PPP6R1: variants seen among roughly 807,000 people sequenced by gnomAD.
The protein encoded by PPP6R1 is serine/threonine-protein phosphatase 6 regulatory subunit 1.
PPP6R1 carries 39 observed loss-of-function variants against 104.6 expected under a neutral mutation model. That is an observed-to-expected ratio of 0.37 (90% CI 0.29 to 0.49). The LOEUF is 0.49. Among genes scored for constraint, PPP6R1 ranks in the 20% least tolerant of loss-of-function variants. The pLI is 0.98. For missense variants in PPP6R1, 1,181 were observed against 1,155.8 expected (o/e 1.02, Z -0.32); for synonymous variants, 549 against 479.0 (o/e 1.15, Z -1.91).
intron 1 of PPP6R1, among the ~76,000 whole-genome samples, chr19:55,249,153 C>T (rs2122701710): frequency 6.6e-6 from 1 of 152,298 alleles, no homozygotes; most frequent in Non-Finnish European, 1.5e-5. Flanking sequence ...AGCCTCCAGG[C>T]ATTTGAACCC....
At chr19:55,254,117 C>T (rs755003743) in intron 1 of PPP6R1, among the ~76,000 whole-genome samples, 1 of 152,222 alleles carries the variant, frequency 6.6e-6, no homozygotes, top group African/African-American at 2.4e-5. Context: ...AAGACTCTAC[C>T]CATTTGCCTA....
At chr19:55,252,796 C>T (rs1348161770) in intron 1 of PPP6R1, among the ~76,000 whole-genome samples, 1 of 152,142 alleles carries the variant, frequency 6.6e-6, no homozygotes, top group Non-Finnish European at 1.5e-5. Flanking sequence ...CCTCGGCCTC[C>T]CAAAGTGCTG....
chr19:55,243,676 C>CA (rs2087480324), intron 5 of PPP6R1, among the ~76,000 whole-genome samples: 1 of 147,430 alleles, frequency 6.8e-6, no homozygotes, highest in African/African-American at 2.7e-5. Context: ...AAAAAAAAGA[C>CA]ACGGCCTCTA....
intron 1 of PPP6R1, among the ~76,000 whole-genome samples, chr19:55,248,965 C>T (rs753792793): frequency 3.9e-5 from 6 of 152,206 alleles, no homozygotes; most frequent in Non-Finnish European, 7.3e-5. Context: ...GGTTGCAGTC[C>T]AGACCTTGCT....
chr19:55,228,882 C>CAA, downstream of PPP6R1: 3 of 868,374 alleles, frequency 3.5e-6, no homozygotes, highest in Non-Finnish European at 5.5e-6. Flanking sequence ...GAGATGTTGT[C>CAA]CTCACCCTGG....
In PPP6R1 at chr19:55,237,547, C is replaced by T. The variant is rs564585935; in HGVS notation, c.1752-577G>A. ...TGATCAGGGTCCACATTCTGTCCCA[C>T]GTGTTACGGACAGTTCAAGGGATCA... On this transcript the variant is annotated intron_variant, in intron 15 of 23. Transcript: ENST00000412770. 1.7e-4 allele frequency among the ~76,000 whole-genome samples: 26 copies of T among 152,312 alleles called. No individual in the cohort carries two copies. In the South Asian group the frequency reaches 4.1e-3, roughly 24 times the overall value.
At position 55,232,256 on chromosome 19, in the gene PPP6R1, G is replaced by A. The variant is rs374036494; in HGVS notation, c.1989-45C>T. 313 of 1,500,342 alleles carry A rather than the reference G, an allele frequency of 2.1e-4. 2 individuals are homozygous for A. The South Asian group carries it at 3.3e-3, about 16-fold the overall frequency. The allele number at this position is 1,500,342 out of a possible 1,614,324, so 92.9% of individuals were successfully genotyped here. On this transcript the variant is annotated intron_variant, in intron 17 of 23. Coordinates refer to ENST00000412770, the MANE Select transcript of PPP6R1 (RefSeq NM_014931.4). ...GTCAGCTAGCTGTGTGGGACAGACC[G>A]GCCGACACCCATCCTGTTCCCTGCA...
intron 23 of PPP6R1, 30 bp from the exon 24 acceptor site, chr19:55,230,561 G>T (rs764394683): frequency 3.7e-6 from 6 of 1,613,470 alleles, no homozygotes; most frequent in African/African-American, 2.7e-5. Context: ...TCGTGTGAGG[G>T]TCTAGCAGGC....
chr19:55,239,274 G>A (rs1454438353), intron 15 of PPP6R1, 131 bp downstream of exon 15: 2 of 887,382 alleles, frequency 2.3e-6, no homozygotes, highest in Non-Finnish European at 3.5e-6. Flanking sequence ...GCCAACGCGT[G>A]CCCAGGAGGG....
intron 1 of PPP6R1, among the ~76,000 whole-genome samples, chr19:55,251,736 T>C (rs1052628799): frequency 5.9e-5 from 9 of 152,056 alleles, no homozygotes; most frequent in African/African-American, 1.9e-4. Context: ...CCACCAAGTG[T>C]CCATGTCACA....
chr19:55,239,249 A>G, intron 15 of PPP6R1, 156 bp downstream of exon 15: 2 of 687,054 alleles, frequency 2.9e-6, no homozygotes, highest in Non-Finnish European at 5.0e-6. Flanking sequence ...CTGCAGACAC[A>G]CACACAAGGC....
Position 55,245,861 on chromosome 19 carries a change from T to A in PPP6R1, c.228-183A>T, listed in dbSNP as rs1172898133. Among the ~76,000 whole-genome samples the A allele has an allele frequency of 6.6e-6, 1 of 151,964 alleles. No individual in the cohort carries two copies. The highest frequency in any genetic ancestry group is 1.5e-5 in the Non-Finnish European group (1 of 67,978). ...AAACAAGGGCCCACACCAGGCCTCC[T>A]CCACCCTGCTAACACCCAACCATCC... On this transcript the variant is annotated intron_variant, in intron 2 of 23. Coordinates refer to ENST00000412770, the MANE Select transcript of PPP6R1 (RefSeq NM_014931.4). The surrounding 1 kb of genome is among the most constrained non-coding windows in gnomAD (Gnocchi z 6.4).
At chr19:55,239,797 G>T in intron 13 of PPP6R1, 29 bp downstream of exon 13, 1 of 1,608,614 alleles carries the variant, frequency 6.2e-7, no homozygotes. Flanking sequence ...AGCAGCAGGA[G>T]GAGTGCAGGA....
intron 1 of PPP6R1, among the ~76,000 whole-genome samples, chr19:55,253,814 G>A (rs766380396): frequency 1.4e-4 from 22 of 152,292 alleles, no homozygotes; most frequent in Middle Eastern, 6.8e-3. Flanking sequence ...GAATCCCTGC[G>A]AATGGAGCAG....
chr19:55,240,608 CGT>C (rs1365071633), intron 10 of PPP6R1, among the ~76,000 whole-genome samples: 1 of 151,142 alleles, frequency 6.6e-6, no homozygotes, highest in South Asian at 2.1e-4. Flanking sequence ...TTCACATACT[CGT>C]GTGCACTCAC....
At chr19:55,246,389 C>A (rs1340397069) in intron 2 of PPP6R1, among the ~76,000 whole-genome samples, 1 of 150,018 alleles carries the variant, frequency 6.7e-6, no homozygotes, top group African/African-American at 2.5e-5. Context: ...TGCCTCTGCA[C>A]TCCAACCTGG....
In PPP6R1 at chr19:55,230,771, C is replaced by T. The variant is rs1256586679; in HGVS notation, c.2570+3G>A. On this transcript the variant is annotated splice_donor_region_variant and intron_variant, in intron 22 of 23. Coordinates refer to ENST00000412770, the MANE Select transcript of PPP6R1 (RefSeq NM_014931.4). ...CCCCCCGCCCTGCTGCCCTGGTGCT[C>T]ACCTCTGGCTTTGGGGAAGCCCCAA... is the stretch of plus-strand genomic sequence containing the variant. 2.9e-6 allele frequency: 3 copies of T among 1,037,444 alleles called. No individual in the cohort carries two copies. Among genetic ancestry groups the T allele is most frequent in the African/African-American group, 3.3e-5 (2 of 60,738 alleles). The allele number at this position is 1,037,444 out of a possible 1,614,324, so 64.3% of individuals were successfully genotyped here.
intron 17 of PPP6R1, among the ~76,000 whole-genome samples, chr19:55,235,691 TG>T (rs1203714399): frequency 2.0e-5 from 3 of 151,590 alleles, no homozygotes; most frequent in Non-Finnish European, 4.4e-5. Flanking sequence ...GCAAATTTTT[TG>T]TATTTTTAGT....
downstream of PPP6R1, chr19:55,229,400 C>A (rs1180073114): frequency 6.5e-6 from 1 of 152,724 alleles, no homozygotes. Context: ...GGTTTCCCAG[C>A]GCCGCTCACC....
Sources: allele counts gnomAD v4.1 joint callset (sites outside exome capture counted in the v4.1 genomes callset), GRCh38; gene constraint gnomAD v4.1.1; non-coding constraint Gnocchi (gnomAD v3.1); transcripts MANE v1.5; gene names NCBI Gene and HGNC (gene_info 2026-07-23, HGNC 2026-07-21).